Variants in FBXO11 observed in about 807,000 individuals in gnomAD.
The protein encoded by FBXO11 is F-box only protein 11.
Under a neutral mutation model 117.0 loss-of-function variants are expected in FBXO11, and 13 were observed. The ratio of observed to expected loss-of-function variants is 0.11; its 90% confidence interval spans 0.07 to 0.18. The LOEUF is 0.18. FBXO11 is among the 10% of genes least tolerant of loss of function. The pLI is 1.00. For synonymous variants in FBXO11, 490 were observed against 380.5 expected (o/e 1.29, Z -3.35); for missense variants, 767 against 1,164.4 (o/e 0.66, Z 4.97).
chr2:47,904,135 C>G (rs1247664401), intron 1 of FBXO11, among the ~76,000 whole-genome samples: 1 of 152,110 alleles, frequency 6.6e-6, no homozygotes, highest in Admixed American at 6.6e-5. Flanking sequence ...ACAATGAAAC[C>G]GTTTTTAAGG....
intron 1 of FBXO11, among the ~76,000 whole-genome samples, chr2:47,840,017 C>T (rs1672891547): frequency 6.6e-6 from 1 of 151,788 alleles, no homozygotes; most frequent in African/African-American, 2.4e-5. Flanking sequence ...AATCTCGGCT[C>T]ACTGCAAGCT....
At chr2:47,878,256 C>T (rs1467671589) in intron 1 of FBXO11, among the ~76,000 whole-genome samples, 1 of 152,148 alleles carries the variant, frequency 6.6e-6, no homozygotes, top group Admixed American at 6.5e-5. Flanking sequence ...GAGTTTTGGT[C>T]TCTATTCTGC....
intron 11 of FBXO11, among the ~76,000 whole-genome samples, chr2:47,831,995 C>G (rs1378560842): frequency 1.3e-5 from 2 of 151,328 alleles, no homozygotes; most frequent in African/African-American, 4.8e-5. Flanking sequence ...TAAGCCCCAT[C>G]CTTGGAAATT....
rs1008902770 is a variant in FBXO11, at chr2:47,807,666, T to A, written c.*452A>T. ...TCATATTTCTCAATCTGAATACATGTTAAAAAAAAAAAATCAAAAGGAACG... is the reference window on the plus strand; with the variant it reads ...TCATATTTCTCAATCTGAATACATGATAAAAAAAAAAAATCAAAAGGAACG... On this transcript the variant is annotated 3_prime_UTR_variant, in exon 23 of 23. Coordinates refer to ENST00000403359, the MANE Select transcript of FBXO11 (RefSeq NM_001190274.2). 3 of 159,888 alleles carry A rather than the reference T, an allele frequency of 1.9e-5. No homozygotes were observed. The highest frequency in any genetic ancestry group is 3.6e-5 in the Non-Finnish European group (3 of 84,178). The allele number at this position is 159,888 out of a possible 1,614,324, so 9.9% of individuals were successfully genotyped here.
At chr2:47,879,340 T>C (rs1270825125) in intron 1 of FBXO11, among the ~76,000 whole-genome samples, 2 of 152,330 alleles carry the variant, frequency 1.3e-5, no homozygotes, top group East Asian at 1.9e-4. Flanking sequence ...TATTGACCAA[T>C]TGCCTTCCAC....
In FBXO11 at chr2:47,808,232, A is replaced by G. The variant is rs1201078528; in HGVS notation, c.2670T>C (p.Cys890=). The change falls in exon 23 of 23, where the codon TGT becomes TGC. Residue 890 remains cysteine (C), a synonymous_variant. Transcript: ENST00000403359. ...AAGGATTAGACAGTGTTCCAGCACC[A>G]CAGTCACAGAAAAACCTAAAGCAAA... ...FIRHDRFFCD[C]GAGTLSNPCT... The G allele has an allele frequency of 1.2e-6, 2 of 1,613,436 alleles. No homozygotes were observed. The highest frequency in any genetic ancestry group is 1.7e-6 in the Non-Finnish European group (2 of 1,179,894).
chr2:47,808,939 C>T (rs1479933572), intron 21 of FBXO11: 1 of 403,568 alleles, frequency 2.5e-6, no homozygotes, highest in East Asian at 4.4e-5. Flanking sequence ...TCCAGTGATC[C>T]TCCCACTTCA....
chr2:47,849,507 A>G (rs1673683637), intron 1 of FBXO11, among the ~76,000 whole-genome samples: 1 of 152,228 alleles, frequency 6.6e-6, no homozygotes, highest in Non-Finnish European at 1.5e-5. Flanking sequence ...AAATCTTGCC[A>G]TGGACTGTGC....
intron 1 of FBXO11, 96 bp downstream of exon 1, chr2:47,905,393 G>A: frequency 9.3e-7 from 1 of 1,074,996 alleles, no homozygotes; most frequent in Non-Finnish European, 1.1e-6. Context: ...CCCAGGGCGC[G>A]CAGGCCGCCC....
chr2:47,903,730 T>C (rs1156312837), intron 1 of FBXO11, among the ~76,000 whole-genome samples: 1 of 152,216 alleles, frequency 6.6e-6, no homozygotes, highest in Admixed American at 6.5e-5. Context: ...AGCAATAGAA[T>C]CCTTAATATT....
At chr2:47,829,442 T>C (rs775829951) in intron 11 of FBXO11, among the ~76,000 whole-genome samples, 2 of 152,104 alleles carry the variant, frequency 1.3e-5, no homozygotes, top group Non-Finnish European at 2.9e-5. Context: ...GGTTTCACCA[T>C]GTTGGCCAGG....
chr2:47,842,850 G>A (rs1269092417), intron 1 of FBXO11, among the ~76,000 whole-genome samples: 1 of 151,042 alleles, frequency 6.6e-6, no homozygotes, highest in African/African-American at 2.4e-5. Context: ...GCACAATCAT[G>A]GCTTACTGCA....
At chr2:47,859,400 A>C (rs1674580254) in intron 1 of FBXO11, among the ~76,000 whole-genome samples, 1 of 152,248 alleles carries the variant, frequency 6.6e-6, no homozygotes, top group African/African-American at 2.4e-5. Context: ...ATTCAATTTC[A>C]GATGTCTTGG....
chr2:47,833,513 G>T (rs1485801319), intron 7 of FBXO11, among the ~76,000 whole-genome samples: 3 of 152,060 alleles, frequency 2.0e-5, no homozygotes, highest in African/African-American at 7.3e-5. Context: ...GGAGATAGAG[G>T]AAGAAAGCAA....
intron 12 of FBXO11, among the ~76,000 whole-genome samples, chr2:47,822,832 G>T (rs1369107785): frequency 1.3e-5 from 2 of 152,146 alleles, no homozygotes; most frequent in African/African-American, 4.8e-5. Context: ...CAAGCTCCAA[G>T]GGGAGGTAAC....
chr2:47,837,514 C>T (rs575963389), intron 4 of FBXO11, among the ~76,000 whole-genome samples: 1 of 152,020 alleles, frequency 6.6e-6, no homozygotes, highest in Non-Finnish European at 1.5e-5. Flanking sequence ...GCAACAAGAA[C>T]GAAACTCCGT....
intron 18 of FBXO11, 186 bp downstream of exon 18, chr2:47,813,042 CAAAAGG>C (rs1189891208): frequency 2.5e-5 from 15 of 611,234 alleles, no homozygotes; most frequent in Non-Finnish European, 3.8e-5. Flanking sequence ...AAAGTGGCTA[CAAAAGG>C]AAAAGTATTG....
intron 1 of FBXO11, among the ~76,000 whole-genome samples, chr2:47,862,547 C>T (rs905072799): frequency 1.3e-5 from 2 of 152,152 alleles, no homozygotes; most frequent in African/African-American, 4.8e-5. Flanking sequence ...CTTCAGCCTT[C>T]CAGAGCAGCT....
chr2:47,809,847 C>G (rs1670487562), intron 19 of FBXO11, 140 bp from the exon 20 acceptor site: 1 of 571,714 alleles, frequency 1.7e-6, no homozygotes. Flanking sequence ...AATGTAGATA[C>G]CTATTTCAAC....
Sources: allele counts gnomAD v4.1 joint callset (sites outside exome capture counted in the v4.1 genomes callset), GRCh38; gene constraint gnomAD v4.1.1; transcripts MANE v1.5; gene names NCBI Gene and HGNC (gene_info 2026-07-23, HGNC 2026-07-21).